Variants in PPP2R2B observed in about 807,000 individuals in gnomAD.
PPP2R2B encodes serine/threonine-protein phosphatase 2A 55 kDa regulatory subunit B beta isoform.
PPP2R2B carries 5 observed loss-of-function variants against 46.0 expected under a neutral mutation model. The observed-to-expected ratio is 0.11, with a 90% CI of 0.06 to 0.23. The LOEUF is 0.23. Among genes scored for constraint, PPP2R2B ranks in the 10% least tolerant of loss-of-function variants. The probability of loss-of-function intolerance (pLI) is 1.00; values close to 1 mark genes in which losing one functional copy is unlikely to be tolerated. For synonymous variants in PPP2R2B, 215 were observed against 206.7 expected, an observed-to-expected ratio of 1.04 and a Z score of -0.34; for missense variants, 367 against 575.0, an observed-to-expected ratio of 0.64 and a Z score of 3.70.
intron 1 of PPP2R2B, among the ~76,000 whole-genome samples, chr5:146,885,128 A>G (rs1016298190): frequency 1.3e-5 from 2 of 152,206 alleles, no homozygotes; most frequent in Non-Finnish European, 2.9e-5. Flanking sequence ...CTGAGCATCT[A>G]TTATGTACTA....
chr5:146,811,290 G>T (rs10055150), intron 2 of PPP2R2B, among the ~76,000 whole-genome samples: 21,577 of 152,096 alleles, frequency 0.14, 1,970 homozygotes, highest in East Asian at 0.44. Flanking sequence ...GAGCCACGGC[G>T]TCCAGCCATA....
chr5:146,977,169 C>A (rs1048393248), intron 1 of PPP2R2B, among the ~76,000 whole-genome samples: 2 of 152,122 alleles, frequency 1.3e-5, no homozygotes, highest in African/African-American at 4.8e-5. Flanking sequence ...CACCCCCCGA[C>A]AAGGTCCAAG....
chr5:146,723,632 T>A (rs1031220225), intron 2 of PPP2R2B, among the ~76,000 whole-genome samples: 3 of 152,132 alleles, frequency 2.0e-5, no homozygotes, highest in African/African-American at 7.2e-5. Flanking sequence ...TAGGATAAAA[T>A]CCAGACCTCC....
At chr5:146,702,427 C>T (rs1384526127) in intron 2 of PPP2R2B, among the ~76,000 whole-genome samples, 1 of 152,096 alleles carries the variant, frequency 6.6e-6, no homozygotes, top group Admixed American at 6.5e-5. Flanking sequence ...CTTGTTTTGA[C>T]TTCTTAGATA....
At chr5:146,903,103 TA>T (rs1370157754) in intron 1 of PPP2R2B, among the ~76,000 whole-genome samples, 1 of 152,182 alleles carries the variant, frequency 6.6e-6, no homozygotes, top group South Asian at 2.1e-4. Context: ...AAGAGATTTA[TA>T]AAAAACATAA....
intron 2 of PPP2R2B, among the ~76,000 whole-genome samples, chr5:146,793,077 G>T (rs1002545457): frequency 4.6e-5 from 7 of 152,152 alleles, no homozygotes; most frequent in African/African-American, 1.7e-4. Context: ...AGCAGTGGAA[G>T]TGATGAAAAA....
At chr5:146,886,340 A>AAAATAAAT (rs59329730) in intron 1 of PPP2R2B, among the ~76,000 whole-genome samples, 2,081 of 145,190 alleles carry the variant, frequency 0.014, 27 homozygotes, top group African/African-American at 0.019. Flanking sequence ...CTCCGTCTCA[A>AAAATAAAT]AAATAAATAA....
At chr5:146,657,329 G>C (rs1452423122) in intron 5 of PPP2R2B, among the ~76,000 whole-genome samples, 1 of 152,202 alleles carries the variant, frequency 6.6e-6, no homozygotes, top group Non-Finnish European at 1.5e-5. Flanking sequence ...ACTCGGAGAA[G>C]AGAGAAGAGA....
chr5:146,977,004 A>G (rs755384513), intron 1 of PPP2R2B, among the ~76,000 whole-genome samples: 11 of 151,978 alleles, frequency 7.2e-5, no homozygotes, highest in South Asian at 2.1e-4. Context: ...TATAATAACA[A>G]CTTCATCTTT....
rs147957267 is a variant in PPP2R2B, at chr5:146,894,896, C to A, written c.79+160769G>T. 8.7e-3 allele frequency among the ~76,000 whole-genome samples: 1,318 copies of A among 152,304 alleles called. 21 individuals carry two copies. The highest frequency in any genetic ancestry group is 0.029 in the African/African-American group (1,221 of 41,554). ...TTGACATCTTTTTCTCTCCTGTAAG[C>A]TCTTTGGGGCCAGGGCTATACCTTA... On this transcript the variant is annotated intron_variant, in intron 1 of 8. Coordinates refer to the PPP2R2B transcript ENST00000336640.
At chr5:146,762,470 T>A (rs1018435591) in intron 2 of PPP2R2B, among the ~76,000 whole-genome samples, 8 of 152,210 alleles carry the variant, frequency 5.3e-5, no homozygotes, top group Non-Finnish European at 1.2e-4. Flanking sequence ...CTCAGTTCTG[T>A]TCACTACTCT....
intron 2 of PPP2R2B, among the ~76,000 whole-genome samples, chr5:146,731,361 C>T (rs1330746628): frequency 6.6e-6 from 1 of 152,106 alleles, no homozygotes. Context: ...TTTTCAGGGT[C>T]TTATAGTATC....
chr5:146,958,754 T>G (rs1055876509), intron 1 of PPP2R2B, among the ~76,000 whole-genome samples: 9 of 152,374 alleles, frequency 5.9e-5, no homozygotes. Flanking sequence ...ATACTGCCTC[T>G]GCCCTCTTTC....
In PPP2R2B at chr5:146,581,339, C is replaced by T. The variant is rs905376054; in HGVS notation, c.*8608G>A. On this transcript the variant is annotated 3_prime_UTR_variant, in exon 10 of 10. Transcript: ENST00000394411. ...AGGGGAGGTTCTTCACACCTTTAAA[C>T]AACCAGATCTCGTGAGAACTTACTC... The T allele has an allele frequency of 6.6e-6, 1 of 152,120 alleles. No homozygotes were observed. The highest frequency in any genetic ancestry group is 2.1e-4 in the South Asian group (1 of 4,814). 9.4% of individuals were successfully genotyped at this position (152,120 alleles called of 1,614,324 possible). A position where few individuals can be genotyped will look rare whatever the true frequency, so the allele number is the denominator to read the frequency against.
chr5:146,649,705 C>T (rs765031488), intron 6 of PPP2R2B, among the ~76,000 whole-genome samples: 5 of 152,156 alleles, frequency 3.3e-5, no homozygotes, highest in Admixed American at 6.5e-5. Flanking sequence ...CTACCTAGGC[C>T]TCCCAAAGTG....
At chr5:146,815,727 C>A (rs532514134) in intron 2 of PPP2R2B, among the ~76,000 whole-genome samples, 1 of 151,642 alleles carries the variant, frequency 6.6e-6, no homozygotes, top group South Asian at 2.2e-4. Context: ...CACTTTTCCA[C>A]ACACACACAC....
intron 2 of PPP2R2B, among the ~76,000 whole-genome samples, chr5:146,760,736 C>G (rs1015936743): frequency 6.6e-6 from 1 of 151,974 alleles, no homozygotes; most frequent in Non-Finnish European, 1.5e-5. Context: ...GGGAGGGGTG[C>G]TTTTTCAAAC....
chr5:146,584,337 G>A lies in PPP2R2B; in HGVS notation c.*5610C>T, dbSNP rs982540404. ...AAAGTCAGAAGTTGGAGACCTGTGA[G>A]CCACTTGACTTCACTCTCTGCTTTG... On this transcript the variant is annotated 3_prime_UTR_variant, in exon 10 of 10. Coordinates refer to ENST00000394411, the MANE Select transcript of PPP2R2B (RefSeq NM_181675.4). The A allele has an allele frequency of 6.6e-6, 1 of 152,228 alleles. No individual in the cohort carries two copies. Among genetic ancestry groups the A allele is most frequent in the East Asian group, 1.9e-4 (1 of 5,206 alleles). 9.4% of individuals were successfully genotyped at this position (152,228 alleles called of 1,614,324 possible).
chr5:146,752,347 A>G (rs1428692623), intron 2 of PPP2R2B, among the ~76,000 whole-genome samples: 1 of 152,192 alleles, frequency 6.6e-6, no homozygotes, highest in African/African-American at 2.4e-5. Flanking sequence ...GCTCCTTATC[A>G]TGATTCAGGT....
Sources: allele counts gnomAD v4.1 joint callset (sites outside exome capture counted in the v4.1 genomes callset), GRCh38; gene constraint gnomAD v4.1.1; transcripts MANE v1.5; gene names NCBI Gene and HGNC (gene_info 2026-07-23, HGNC 2026-07-21).